The following RPS6KA2 variants were observed in gnomAD, a reference collection of about 807,000 sequenced individuals.
RPS6KA2 encodes ribosomal protein S6 kinase alpha-2.
RPS6KA2 carries 42 observed loss-of-function variants against 91.8 expected under a neutral mutation model. The observed-to-expected ratio is 0.46, with a 90% CI of 0.36 to 0.59. The LOEUF is 0.59. Among genes scored for constraint, RPS6KA2 ranks in the 20% least tolerant of loss-of-function variants. The pLI, the probability that RPS6KA2 is intolerant of heterozygous loss-of-function variation, is 0.00. For synonymous variants in RPS6KA2, 414 were observed against 393.6 expected, an observed-to-expected ratio of 1.05 and a Z score of -0.61; for missense variants, 798 against 978.5, an observed-to-expected ratio of 0.82 and a Z score of 2.46.
chr6:166,678,626 G>A (rs533299675), intron 2 of RPS6KA2, among the ~76,000 whole-genome samples: 21 of 152,318 alleles, frequency 1.4e-4, no homozygotes, highest in African/African-American at 4.3e-4. Flanking sequence ...CTCAATGTTT[G>A]CTGTTCTGCG....
chr6:166,571,694 C>G (rs1259230954), intron 1 of RPS6KA2, among the ~76,000 whole-genome samples: 1 of 148,036 alleles, frequency 6.8e-6, no homozygotes, highest in Non-Finnish European at 1.5e-5. Context: ...TTTTTTTTGC[C>G]TATCTAGTTA....
At chr6:166,584,765 G>C (rs746734989) in intron 1 of RPS6KA2, among the ~76,000 whole-genome samples, 34 of 152,342 alleles carry the variant, frequency 2.2e-4, no homozygotes, top group Non-Finnish European at 4.6e-4. Flanking sequence ...ATACGTTGAG[G>C]AGCTGTGAGC....
At chr6:166,644,584 G>A (rs905283649) in intron 2 of RPS6KA2, among the ~76,000 whole-genome samples, 3 of 152,174 alleles carry the variant, frequency 2.0e-5, no homozygotes, top group African/African-American at 7.2e-5. Context: ...AAAGTATATT[G>A]CAAATGTGTT....
chr6:166,452,363 G>A (rs1779944809), intron 12 of RPS6KA2, among the ~76,000 whole-genome samples: 1 of 152,022 alleles, frequency 6.6e-6, no homozygotes. Context: ...TCATGAATCA[G>A]AAGAATTAAT....
At chr6:166,417,278 G>T (rs556420781) in intron 19 of RPS6KA2, among the ~76,000 whole-genome samples, 1 of 152,192 alleles carries the variant, frequency 6.6e-6, no homozygotes, top group Non-Finnish European at 1.5e-5. Flanking sequence ...TAAAAGCATG[G>T]TGGTTAATTT....
chr6:166,623,707 T>C (rs1213741963), intron 1 of RPS6KA2, among the ~76,000 whole-genome samples: 3 of 152,322 alleles, frequency 2.0e-5, no homozygotes, highest in Non-Finnish European at 2.9e-5. Flanking sequence ...AGAGCTCTCT[T>C]GGGGATGAGG....
At chr6:166,545,485 C>A (rs1482389797) in intron 1 of RPS6KA2, among the ~76,000 whole-genome samples, 1 of 152,142 alleles carries the variant, frequency 6.6e-6, no homozygotes, top group African/African-American at 2.4e-5. Context: ...TGTAAGGTTC[C>A]TAGAACACAG....
chr6:166,656,788 C>T (rs559339986), intron 2 of RPS6KA2, among the ~76,000 whole-genome samples: 6 of 152,360 alleles, frequency 3.9e-5, no homozygotes, highest in Non-Finnish European at 7.3e-5. Flanking sequence ...TCCCCAGCCC[C>T]TGGCTCAGGT....
chr6:166,452,848 T>C (rs919508368), intron 12 of RPS6KA2, among the ~76,000 whole-genome samples: 1 of 152,070 alleles, frequency 6.6e-6, no homozygotes, highest in Non-Finnish European at 1.5e-5. Flanking sequence ...ACAATGAAAA[T>C]ACTAGAATAA....
At chr6:166,464,044 C>T (rs2235287) in intron 11 of RPS6KA2, among the ~76,000 whole-genome samples, 39,135 of 152,094 alleles carry the variant, frequency 0.26, 5,623 homozygotes, top group African/African-American at 0.38. Flanking sequence ...GGATAGAAAT[C>T]TCGCTGCTGG....
intron 2 of RPS6KA2, among the ~76,000 whole-genome samples, chr6:166,820,096 G>A (rs9366061): frequency 0.62 from 94,477 of 151,318 alleles, 30,876 homozygotes; most frequent in Non-Finnish European, 0.73. Flanking sequence ...TGTTTAAGGT[G>A]CTTGCCATGG....
chr6:166,546,954 CT>C (rs1053110208), intron 1 of RPS6KA2, among the ~76,000 whole-genome samples: 1 of 151,998 alleles, frequency 6.6e-6, no homozygotes, highest in Non-Finnish European at 1.5e-5. Flanking sequence ...AGTTTCTTTT[CT>C]TTTTTTTCTT....
intron 2 of RPS6KA2, among the ~76,000 whole-genome samples, chr6:166,813,786 T>C (rs912259308): frequency 6.6e-6 from 1 of 152,246 alleles, no homozygotes; most frequent in Admixed American, 6.5e-5. Flanking sequence ...TGAAAACTCT[T>C]GGAACATTAT....
intron 1 of RPS6KA2, among the ~76,000 whole-genome samples, chr6:166,587,681 C>T (rs1007141146): frequency 7.4e-6 from 1 of 134,594 alleles, no homozygotes; most frequent in Non-Finnish European, 1.6e-5. Flanking sequence ...TATATATATA[C>T]ACACACAAAA....
At chr6:166,789,079 T>C (rs7754138) in intron 2 of RPS6KA2, among the ~76,000 whole-genome samples, 52,809 of 151,944 alleles carry the variant, frequency 0.35, 9,892 homozygotes, top group African/African-American at 0.47. Context: ...ACTCGGGAAG[T>C]GCAAGGGGTC....
intron 2 of RPS6KA2, among the ~76,000 whole-genome samples, chr6:166,704,511 C>T (rs1025779198): frequency 4.6e-5 from 7 of 152,192 alleles, no homozygotes; most frequent in African/African-American, 1.2e-4. Flanking sequence ...TTTAAGTCAC[C>T]GTGTAACAGC....
At chr6:166,598,663 C>T (rs747089419) in intron 1 of RPS6KA2, among the ~76,000 whole-genome samples, 6 of 152,188 alleles carry the variant, frequency 3.9e-5, no homozygotes, top group Admixed American at 6.5e-5. Context: ...TCTGTTTATA[C>T]AACATTCTTT....
At chr6:166,640,541 C>T (rs887458598) in intron 2 of RPS6KA2, among the ~76,000 whole-genome samples, 4 of 152,158 alleles carry the variant, frequency 2.6e-5, no homozygotes, top group Admixed American at 2.6e-4. Context: ...TTCCCTGCTC[C>T]GCTGGGTTTT....
chr6:166,827,669 C>T (rs529118308), intron 2 of RPS6KA2, among the ~76,000 whole-genome samples: 10 of 152,266 alleles, frequency 6.6e-5, no homozygotes, highest in South Asian at 2.1e-4. Context: ...CTCAAGTGTT[C>T]CCACCACCAA....
Sources: allele counts gnomAD v4.1 joint callset (sites outside exome capture counted in the v4.1 genomes callset), GRCh38; gene constraint gnomAD v4.1.1; transcripts MANE v1.5; gene names NCBI Gene and HGNC (gene_info 2026-07-23, HGNC 2026-07-21).